CHD1: variants seen among roughly 807,000 people sequenced by gnomAD.
CHD1 encodes the protein chromodomain helicase DNA binding protein 1.
In CHD1, 36 loss-of-function variants were observed where a neutral mutation model predicts 224.2. That is an observed-to-expected ratio of 0.16 (90% CI 0.12 to 0.21). The LOEUF (loss-of-function observed/expected upper bound fraction) is 0.21. Among genes scored for constraint, CHD1 ranks in the 10% least tolerant of loss-of-function variants. The pLI, the probability that CHD1 is intolerant of heterozygous loss-of-function variation, is 1.00. For synonymous variants in CHD1, 668 were observed against 658.3 expected (o/e 1.01, Z -0.23); for missense variants, 1,378 against 1,994.8 (o/e 0.69, Z 5.89).
At chr5:98,882,728 G>A (rs553398063) in intron 19 of CHD1, among the ~76,000 whole-genome samples, 4 of 152,168 alleles carry the variant, frequency 2.6e-5, no homozygotes, top group African/African-American at 9.6e-5. Flanking sequence ...GTAAGCACAT[G>A]GACAAAATAT....
In CHD1 at chr5:98,856,577, T is replaced by G; in HGVS notation, c.4936A>C (p.Ser1646Arg). 1 of 1,613,814 alleles carries G rather than the reference T, an allele frequency of 6.2e-7. No individual in the cohort carries two copies. The highest frequency in any genetic ancestry group is 1.1e-5 in the South Asian group (1 of 91,078). The change falls in exon 36 of 36, where the codon AGT (serine) becomes CGT (arginine). Residue 1646 changes from serine to arginine, a missense_variant. This residue lies in a region of CHD1 where 278 missense variants were observed against 298.5 expected (regional missense o/e 0.93). Transcript: ENST00000614616. ...DHRLHSDHRS[S>R]SEYTHHKSSR... ...GATTTATGGTGCGTATATTCAGAAC[T>G]TGACCGGTGGTCTGAATGTAACCGA...
intron 13 of CHD1, among the ~76,000 whole-genome samples, chr5:98,894,250 G>C (rs971482646): frequency 3.3e-5 from 5 of 152,158 alleles, no homozygotes; most frequent in African/African-American, 4.8e-5. Flanking sequence ...AATCCTGTTA[G>C]GTATCTTCCT....
intron 18 of CHD1, among the ~76,000 whole-genome samples, 195 bp downstream of exon 18, chr5:98,885,383 C>G (rs1466247170): frequency 1.3e-5 from 2 of 152,080 alleles, no homozygotes; most frequent in African/African-American, 4.8e-5. Flanking sequence ...CAGAGTGAGA[C>G]TCTGTCTCAA....
intron 2 of CHD1, among the ~76,000 whole-genome samples, chr5:98,911,146 A>AAAAAAATATATAT (rs1491111295): frequency 2.6e-5 from 1 of 39,144 alleles, no homozygotes; most frequent in African/African-American, 1.2e-4. Flanking sequence ...AAAAAAAAAA[A>AAAAAAATATATAT]ATATATATAT....
chr5:98,904,776 A>C, intron 3 of CHD1, 121 bp downstream of exon 3: 1 of 910,706 alleles, frequency 1.1e-6, no homozygotes, highest in African/African-American at 1.7e-5. Context: ...ACTAAAAGTA[A>C]ATTTTAATTT....
rs1293046295 is a variant in CHD1 at position 98,873,751 on chromosome 5, TAAA to T, written c.3441-31_3441-29del. The T allele has an allele frequency of 4.4e-6, 7 of 1,585,176 alleles. No individual in the cohort carries two copies. In the African/African-American group the frequency reaches 9.5e-5, roughly 22 times the overall value. ...GTAACAAAATAATCCAATTTTCAGGTAAATATGTTAAATGAAGTGGTGCCATTT... is the reference window on the plus strand; with the variant it reads ...GTAACAAAATAATCCAATTTTCAGGTTATGTTAAATGAAGTGGTGCCATTT... On this transcript the variant is annotated intron_variant, in intron 25 of 35. Coordinates refer to ENST00000614616, the MANE Select transcript of CHD1 (RefSeq NM_001270.4).
At position 98,884,785 on chromosome 5, in the gene CHD1, T is replaced by C. The variant is rs138691607; in HGVS notation, c.2568+793A>G. 9.9e-5 allele frequency among the ~76,000 whole-genome samples: 15 copies of C among 151,906 alleles called. No individual in the cohort carries two copies. The East Asian group carries it at 2.9e-3, about 30-fold the overall frequency. On this transcript the variant is annotated intron_variant, in intron 18 of 35. Transcript: ENST00000614616. The stretch of plus-strand genomic sequence containing the variant: ...GGGCTAGAGTCTAGTGACATGATCA[T>C]GGCTCACCGCAGCCTCAAACTCCTG...
chr5:98,876,243 A>C (rs1054909120), intron 24 of CHD1, among the ~76,000 whole-genome samples, 155 bp downstream of exon 24: 2 of 152,242 alleles, frequency 1.3e-5, no homozygotes, highest in Non-Finnish European at 2.9e-5. Context: ...CAGTTATAAC[A>C]AATACCCAAA....
At chr5:98,919,937 C>A (rs532024604) in intron 2 of CHD1, among the ~76,000 whole-genome samples, 18 of 152,102 alleles carry the variant, frequency 1.2e-4, no homozygotes, top group Non-Finnish European at 2.5e-4. Flanking sequence ...AACCAAGGCT[C>A]CTTGGAGAGT....
At position 98,867,263 on chromosome 5, in the gene CHD1, C is replaced by CG. The variant is rs1561484262; in HGVS notation, c.4248+1231dup. Among the ~76,000 whole-genome samples the CG allele has an allele frequency of 2.6e-5, 4 of 152,176 alleles. No homozygotes were observed. The South Asian group carries it at 8.3e-4, about 32-fold the overall frequency. On this transcript the variant is annotated intron_variant, in intron 31 of 35. Coordinates refer to ENST00000614616, the MANE Select transcript of CHD1 (RefSeq NM_001270.4). ...ATAGTTTCTCCCTCACTTTGAGGAA[C>CG]GCAAAGGCATGACAACATGGAGAAT...
In CHD1 at chr5:98,872,363, T is replaced by C; in HGVS notation, c.3710+54A>G. 4 of 1,551,712 alleles carry C rather than the reference T, an allele frequency of 2.6e-6. No homozygotes were observed. The South Asian group carries it at 4.7e-5, about 18-fold the overall frequency. On this transcript the variant is annotated intron_variant, in intron 27 of 35. Transcript: ENST00000614616. ...ACACCATAAAAATTCAGCACATTCA[T>C]TTTGCAATTATTGAATAACAAAAAT...
intron 12 of CHD1, among the ~76,000 whole-genome samples, chr5:98,894,947 G>A (rs891324801): frequency 4.6e-5 from 7 of 151,452 alleles, no homozygotes; most frequent in South Asian, 2.1e-4. Flanking sequence ...TCAGCCTCCC[G>A]AGTAGCTAGG....
At position 98,889,265 on chromosome 5, in the gene CHD1, T is replaced by C. The variant is rs778587127; in HGVS notation, c.2181-27A>G. 47 of 1,497,506 alleles carry C rather than the reference T, an allele frequency of 3.1e-5. 1 individual carries two copies. In the South Asian group the frequency reaches 6.0e-4, roughly 19 times the overall value. 92.8% of individuals were successfully genotyped at this position (1,497,506 alleles called of 1,614,324 possible). A position where few individuals can be genotyped will look rare whatever the true frequency, so the allele number is the denominator to read the frequency against. On this transcript the variant is annotated intron_variant, in intron 15 of 35. Transcript: ENST00000614616. ...TTAAAAAAAAAAATTATGAAAACGA[T>C]GTTTAGCAGAACAATTACCAGGATA...
intron 2 of CHD1, among the ~76,000 whole-genome samples, chr5:98,917,950 C>T (rs761159540): frequency 3.8e-4 from 58 of 152,180 alleles, no homozygotes; most frequent in Non-Finnish European, 4.9e-4. Context: ...CTCCCTAAAA[C>T]TAGTGGTTCC....
chr5:98,928,182 T>G (rs978089370), intron 1 of CHD1, among the ~76,000 whole-genome samples: 2 of 141,964 alleles, frequency 1.4e-5, no homozygotes, highest in Non-Finnish European at 3.1e-5. Context: ...CGCCGCCCCC[T>G]CCCCCTCCCG....
At chr5:98,924,309 T>TA (rs1374646903) in intron 2 of CHD1, among the ~76,000 whole-genome samples, 1 of 152,180 alleles carries the variant, frequency 6.6e-6, no homozygotes, top group Non-Finnish European at 1.5e-5. Context: ...TCTATTTACT[T>TA]AACTATAGTC....
chr5:98,869,699 A>G (rs1225977580), intron 30 of CHD1, 55 bp downstream of exon 30: 16 of 1,576,478 alleles, frequency 1.0e-5, no homozygotes, highest in Non-Finnish European at 1.4e-5. Flanking sequence ...GTACACAAAA[A>G]CATGCCATAT....
intron 28 of CHD1, among the ~76,000 whole-genome samples, chr5:98,871,801 T>G (rs1214174830): frequency 6.6e-6 from 1 of 152,184 alleles, no homozygotes; most frequent in Admixed American, 6.5e-5. Context: ...ATAAGACTTT[T>G]AACCTCGTAA....
In CHD1 at chr5:98,898,277, G is replaced by A; in HGVS notation, c.1344C>T (p.Thr448=). 6.5e-7 allele frequency: 1 copy of A among 1,534,744 alleles called. No homozygotes were observed. Residue 448 remains threonine, a synonymous_variant, in exon 10 of 36, where the codon ACC becomes ACT. Coordinates refer to ENST00000614616, the MANE Select transcript of CHD1 (RefSeq NM_001270.4). ...DEYFSRNQSK[T]TPFKDCKVLK... ...TCACTTTGCAATCTTTAAAAGGAGT[G>A]GTTTTTGATTGGTTCCTGCTAAAAT...
Sources: allele counts gnomAD v4.1 joint callset (sites outside exome capture counted in the v4.1 genomes callset), GRCh38; gene constraint gnomAD v4.1.1; regional missense constraint gnomAD v4.1.1; transcripts MANE v1.5; gene names NCBI Gene and HGNC (gene_info 2026-07-23, HGNC 2026-07-21).